The following NR2F1-AS1 variants were observed in gnomAD, a reference collection of about 807,000 sequenced individuals.
NR2F1-AS1 encodes NR2F1 antisense RNA 1.
At chr5:93,514,900 T>C (rs1252324731) in intron 4 of NR2F1-AS1, among the ~76,000 whole-genome samples, 1 of 152,032 alleles carries the variant, frequency 6.6e-6, no homozygotes, top group East Asian at 1.9e-4. Context: ...AAATAGTCCA[T>C]GTAACAAAGC....
At chr5:93,578,480 C>T (rs1752946134) in intron 1 of NR2F1-AS1, among the ~76,000 whole-genome samples, 1 of 151,950 alleles carries the variant, frequency 6.6e-6, no homozygotes, top group Non-Finnish European at 1.5e-5. Flanking sequence ...AGGGAGGCTC[C>T]CGGGAGCCCA....
intron 4 of NR2F1-AS1, among the ~76,000 whole-genome samples, chr5:93,551,106 G>T (rs974257737): frequency 3.3e-5 from 5 of 151,994 alleles, no homozygotes; most frequent in Middle Eastern, 3.4e-3. Flanking sequence ...TACACAAGTT[G>T]AATGACCAGA....
upstream of NR2F1-AS1, chr5:93,584,301 A>C (rs1211899030): frequency 6.7e-6 from 1 of 149,476 alleles, no homozygotes; most frequent in Non-Finnish European, 1.5e-5. Context: ...CGGCGCCTGC[A>C]GCCGCGACCT....
intron 4 of NR2F1-AS1, among the ~76,000 whole-genome samples, chr5:93,433,129 C>T (rs1354919360): frequency 6.6e-6 from 1 of 152,174 alleles, no homozygotes; most frequent in African/African-American, 2.4e-5. Flanking sequence ...AAAGTTCTCT[C>T]GTATCTTATA....
At chr5:93,461,876 C>T (rs2149863884) in intron 4 of NR2F1-AS1, among the ~76,000 whole-genome samples, 1 of 152,112 alleles carries the variant, frequency 6.6e-6, no homozygotes, top group African/African-American at 2.4e-5. Context: ...TTCAGTTTCC[C>T]AAACCCATTT....
At chr5:93,561,725 T>C (rs1309546747) in intron 2 of NR2F1-AS1, among the ~76,000 whole-genome samples, 1 of 152,066 alleles carries the variant, frequency 6.6e-6, no homozygotes, top group African/African-American at 2.4e-5. Flanking sequence ...GTGAGCTGTG[T>C]TGACACCACT....
In NR2F1-AS1 at chr5:93,459,136, A is replaced by G. The variant is rs72786609; in HGVS notation, n.639-63594T>C. Among the ~76,000 whole-genome samples the G allele has an allele frequency of 1.4e-3, 209 of 152,308 alleles. 2 individuals carry two copies. Among genetic ancestry groups the G allele is most frequent in the Non-Finnish European group, 1.7e-3 (116 of 68,010 alleles). The stretch of plus-strand genomic sequence containing the variant: ...ATATATGAGTCCTTACAACTCAAAA[A>G]TAAGACAATAACTCAATTTTTTAAA... On this transcript the variant is annotated intron_variant and non_coding_transcript_variant, in intron 4 of 5. Coordinates refer to ENST00000660523, the Ensembl canonical transcript of NR2F1-AS1.
upstream of NR2F1-AS1, among the ~76,000 whole-genome samples, chr5:93,581,733 TCCCC>T (rs1230036471): frequency 1.8e-4 from 6 of 33,302 alleles, 1 homozygote; most frequent in African/African-American, 8.0e-4. Flanking sequence ...TCTCTCTCTC[TCCCC>T]CTCTCCCTCT....
intron 4 of NR2F1-AS1, among the ~76,000 whole-genome samples, chr5:93,523,343 T>C (rs431410): frequency 0.72 from 109,810 of 152,102 alleles, 40,102 homozygotes; most frequent in East Asian, 0.85. Flanking sequence ...AAGGCAGCAG[T>C]CCCAGTCAGG....
chr5:93,467,843 T>A (rs1393205169), intron 4 of NR2F1-AS1, among the ~76,000 whole-genome samples: 1 of 152,308 alleles, frequency 6.6e-6, no homozygotes, highest in East Asian at 1.9e-4. Flanking sequence ...GCATATGGTG[T>A]TTCCTGCCCT....
intron 4 of NR2F1-AS1, among the ~76,000 whole-genome samples, chr5:93,478,449 G>A (rs1486767849): frequency 1.3e-5 from 2 of 152,124 alleles, no homozygotes; most frequent in Non-Finnish European, 2.9e-5. Context: ...TGTCATCCAG[G>A]CTGGAGTACG....
At chr5:93,539,552 A>C (rs533637657) in intron 4 of NR2F1-AS1, among the ~76,000 whole-genome samples, 1 of 152,282 alleles carries the variant, frequency 6.6e-6, no homozygotes, top group East Asian at 1.9e-4. Flanking sequence ...AATCTTCAAA[A>C]AAAATTATAG....
At chr5:93,520,832 A>C (rs1248447834) in intron 4 of NR2F1-AS1, among the ~76,000 whole-genome samples, 3 of 152,200 alleles carry the variant, frequency 2.0e-5, no homozygotes, top group Non-Finnish European at 2.9e-5. Context: ...CCCCCCAAAG[A>C]AAGCTGTGAT....
chr5:93,502,842 T>C (rs985034956), intron 4 of NR2F1-AS1, among the ~76,000 whole-genome samples: 1 of 152,138 alleles, frequency 6.6e-6, no homozygotes, highest in Non-Finnish European at 1.5e-5. Context: ...GTGTAATTGC[T>C]AAGAAATATT....
rs375448694 is a variant in NR2F1-AS1, at chr5:93,410,014, G to C, written n.639-14472C>G. 9 of 152,228 alleles carry C rather than the reference G, an allele frequency of 5.9e-5. No homozygotes were observed. The East Asian group carries it at 1.5e-3, about 26-fold the overall frequency. The allele number at this position is 152,228 out of a possible 1,614,324, so 9.4% of individuals were successfully genotyped here. Reference sequence around the variant, plus strand: ...TCAAGACAAAGACATGTCTATTGTTGGCTCATACATACTAAAATGTGTCAT... The same window carrying C: ...TCAAGACAAAGACATGTCTATTGTTCGCTCATACATACTAAAATGTGTCAT... On this transcript the variant is annotated intron_variant and non_coding_transcript_variant, in intron 4 of 5. Transcript: ENST00000660523.
chr5:93,511,507 G>A (rs1751294884), intron 4 of NR2F1-AS1, among the ~76,000 whole-genome samples: 1 of 152,154 alleles, frequency 6.6e-6, no homozygotes, highest in Non-Finnish European at 1.5e-5. Context: ...ACAATATTTA[G>A]GTAATGATGG....
At chr5:93,522,869 G>A (rs1205443508) in intron 4 of NR2F1-AS1, among the ~76,000 whole-genome samples, 1 of 152,086 alleles carries the variant, frequency 6.6e-6, no homozygotes, top group African/African-American at 2.4e-5. Flanking sequence ...GATTCCTTTG[G>A]CTGCCAACAC....
chr5:93,570,843 G>A (rs1186760730), intron 1 of NR2F1-AS1: 1 of 152,248 alleles, frequency 6.6e-6, no homozygotes, highest in Non-Finnish European at 1.5e-5. Context: ...CCGGATATGG[G>A]CCTAGCTTCC....
chr5:93,532,431 T>G (rs1239130569), intron 4 of NR2F1-AS1, among the ~76,000 whole-genome samples: 1 of 152,096 alleles, frequency 6.6e-6, no homozygotes, highest in African/African-American at 2.4e-5. Context: ...GAGGGGATTG[T>G]GCAATAGAAT....
Sources: gnomAD v4.1 joint callset for allele counts (sites outside exome capture counted in the v4.1 genomes callset) on GRCh38, gnomAD v4.1.1 for gene constraint, MANE v1.5 for transcripts, NCBI Gene and HGNC (gene_info 2026-07-23, HGNC 2026-07-21) for gene names.